KALRN: variants seen among roughly 807,000 people sequenced by gnomAD.
KALRN encodes kalirin.
Under a neutral mutation model 353.7 loss-of-function variants are expected in KALRN, and 70 were observed. That is an observed-to-expected ratio of 0.20 (90% CI 0.16 to 0.24). The LOEUF (loss-of-function observed/expected upper bound fraction) is 0.24. Ranked by LOEUF, KALRN falls within the 10% of genes least tolerant of loss-of-function variation. The probability of loss-of-function intolerance (pLI) is 1.00; values close to 1 mark genes in which losing one functional copy is unlikely to be tolerated. For synonymous variants in KALRN, 1,391 were observed against 1,434.8 expected (o/e 0.97, Z 0.69); for missense variants, 2,791 against 3,756.7 (o/e 0.74, Z 6.72).
intron 9 of KALRN, among the ~76,000 whole-genome samples, chr3:124,340,415 C>G (rs2081575974): frequency 6.6e-6 from 1 of 151,998 alleles, no homozygotes. Context: ...CCTAGCTATT[C>G]AGGAGGCTAA....
chr3:124,131,438 G>A (rs139218968), intron 1 of KALRN, among the ~76,000 whole-genome samples: 288 of 152,304 alleles, frequency 1.9e-3, no homozygotes, highest in African/African-American at 6.5e-3. Flanking sequence ...ATAAAGTGAG[G>A]TATAAGCTAT....
intron 1 of KALRN, among the ~76,000 whole-genome samples, chr3:124,057,642 G>T (rs2041666357): frequency 6.6e-6 from 1 of 152,066 alleles, no homozygotes; most frequent in Non-Finnish European, 1.5e-5. Flanking sequence ...AGCAGAAGGA[G>T]CCTGGGCCTG....
intron 7 of KALRN, 28 bp from the exon 8 acceptor site, chr3:124,329,833 C>A (rs909712787): frequency 1.9e-6 from 3 of 1,606,958 alleles, no homozygotes; most frequent in South Asian, 2.2e-5. Flanking sequence ...AGTGCTCCCC[C>A]ACTGATCCAC....
chr3:124,387,114 G>A (rs956825063), intron 11 of KALRN, among the ~76,000 whole-genome samples: 1 of 152,064 alleles, frequency 6.6e-6, no homozygotes, highest in Non-Finnish European at 1.5e-5. Context: ...GGGCTTAATG[G>A]GTAGGACAGA....
chr3:124,576,281 A>AT (rs2074083740), intron 34 of KALRN, among the ~76,000 whole-genome samples: 1 of 151,892 alleles, frequency 6.6e-6, no homozygotes. Context: ...CAATACAGGG[A>AT]TTTTGTCTAC....
chr3:124,573,346 C>T (rs758464820), intron 34 of KALRN, among the ~76,000 whole-genome samples: 3 of 152,172 alleles, frequency 2.0e-5, no homozygotes, highest in Non-Finnish European at 4.4e-5. Flanking sequence ...TCCAGTTATG[C>T]CCCACCAAAG....
intron 7 of KALRN, among the ~76,000 whole-genome samples, chr3:124,328,295 G>A (rs542727309): frequency 1.9e-4 from 29 of 152,248 alleles, no homozygotes; most frequent in African/African-American, 6.5e-4. Context: ...CTCCTGTTCT[G>A]TCTTCAACCT....
At chr3:124,580,774 G>A (rs11915234) in intron 34 of KALRN, among the ~76,000 whole-genome samples, 37,776 of 151,774 alleles carry the variant, frequency 0.25, 4,861 homozygotes, top group East Asian at 0.33. Flanking sequence ...ATGAATTAAC[G>A]AGTAGGTCCA....
intron 34 of KALRN, among the ~76,000 whole-genome samples, chr3:124,567,232 T>C (rs2072961283): frequency 6.6e-6 from 1 of 152,066 alleles, no homozygotes; most frequent in South Asian, 2.1e-4. Context: ...TGAGAACCAC[T>C]GCACTAGCCC....
intron 1 of KALRN, among the ~76,000 whole-genome samples, chr3:124,185,101 C>T (rs893096685): frequency 1.3e-5 from 2 of 152,180 alleles, no homozygotes; most frequent in African/African-American, 2.4e-5. Context: ...CTGCAACCTC[C>T]ACTTCCTGGG....
intron 6 of KALRN, among the ~76,000 whole-genome samples, chr3:124,307,346 A>G (rs1305579328): frequency 6.6e-6 from 1 of 152,078 alleles, no homozygotes; most frequent in East Asian, 1.9e-4. Context: ...ACTAATATGA[A>G]AAAAGCTATA....
chr3:124,533,662 A>G (rs1230528367), intron 33 of KALRN, among the ~76,000 whole-genome samples: 1 of 152,094 alleles, frequency 6.6e-6, no homozygotes, highest in African/African-American at 2.4e-5. Flanking sequence ...AAAACCAAAA[A>G]CAAATAAAGA....
rs2062239537 is a variant in KALRN, at chr3:124,699,972, T to C, written c.7935T>C (p.Ser2645=). The C allele has an allele frequency of 6.2e-7, 1 of 1,614,028 alleles. No individual in the cohort carries two copies. Among genetic ancestry groups the C allele is most frequent in the Non-Finnish European group, 8.5e-7 (1 of 1,180,040 alleles). The change falls in exon 56 of 60, where the codon AGT becomes AGC. Residue 2645 remains serine, a synonymous_variant. Transcript: ENST00000682506. ...GCPYQFRVSA[S]NPWGISLPSE... The stretch of plus-strand genomic sequence containing the variant: ...CTTATCAGTTCAGAGTCAGTGCCAG[T>C]AACCCCTGGGGAATCAGCCTTCCCA...
chr3:124,245,770 T>C (rs2081056384), intron 3 of KALRN, among the ~76,000 whole-genome samples: 1 of 152,200 alleles, frequency 6.6e-6, no homozygotes, highest in Admixed American at 6.5e-5. Flanking sequence ...TGATTAGTGA[T>C]GTTGAGTATG....
intron 1 of KALRN, among the ~76,000 whole-genome samples, chr3:124,125,697 C>T (rs528490125): frequency 4.1e-4 from 62 of 152,302 alleles, no homozygotes; most frequent in African/African-American, 1.5e-3. Context: ...GAAATGCTTT[C>T]AACACAGTGG....
At chr3:124,061,177 G>A (rs540969105) in intron 1 of KALRN, among the ~76,000 whole-genome samples, 4 of 152,316 alleles carry the variant, frequency 2.6e-5, no homozygotes, top group Admixed American at 2.6e-4. Flanking sequence ...TGACTGATCA[G>A]ACTGAGCTCC....
chr3:124,137,899 G>A (rs939033257), intron 1 of KALRN, among the ~76,000 whole-genome samples: 1 of 152,132 alleles, frequency 6.6e-6, no homozygotes, highest in African/African-American at 2.4e-5. Context: ...TCTCTGAACA[G>A]CATTGGGATA....
chr3:124,625,185 G>A (rs977639279), intron 34 of KALRN, among the ~76,000 whole-genome samples: 1 of 152,112 alleles, frequency 6.6e-6, no homozygotes, highest in Non-Finnish European at 1.5e-5. Context: ...CCCTACTGAT[G>A]AGGAAACCAA....
chr3:124,494,577 G>T (rs970189210), intron 32 of KALRN, among the ~76,000 whole-genome samples: 17 of 152,216 alleles, frequency 1.1e-4, no homozygotes, highest in Admixed American at 8.5e-4. Flanking sequence ...TCCTATGAAT[G>T]TGTGGCTTAT....
Sources: gnomAD v4.1 joint callset for allele counts (sites outside exome capture counted in the v4.1 genomes callset) on GRCh38, gnomAD v4.1.1 for gene constraint, MANE v1.5 for transcripts, NCBI Gene and HGNC (gene_info 2026-07-23, HGNC 2026-07-21) for gene names.